Variants in RYR2 observed in about 807,000 individuals in gnomAD.
RYR2 encodes the protein cardiac muscle ryanodine receptor-calcium release channel.
In RYR2, 227 loss-of-function variants were observed where a neutral mutation model predicts 601.1. The observed-to-expected ratio is 0.38, with a 90% confidence interval of 0.34 to 0.42. The LOEUF (loss-of-function observed/expected upper bound fraction) is 0.42, where lower values mean the gene tolerates loss of function less well. RYR2 is among the 10% of genes least tolerant of loss of function. The pLI, the probability that RYR2 is intolerant of heterozygous loss-of-function variation, is 1.00. For synonymous variants in RYR2, 2,223 were observed against 2,175.1 expected, an observed-to-expected ratio of 1.02 and a Z score of -0.61; for missense variants, 4,646 against 6,156.5, an observed-to-expected ratio of 0.75 and a Z score of 8.21.
chr1:237,437,260 G>C (rs964566742), intron 12 of RYR2, among the ~76,000 whole-genome samples: 5 of 151,930 alleles, frequency 3.3e-5, no homozygotes, highest in Non-Finnish European at 7.4e-5. Flanking sequence ...CACCGTGTTA[G>C]CCAGGATGGT....
chr1:237,217,123 G>A (rs943407658), intron 1 of RYR2, among the ~76,000 whole-genome samples: 3 of 152,180 alleles, frequency 2.0e-5, no homozygotes, highest in African/African-American at 7.2e-5. Context: ...CTTTTCTGGG[G>A]AGGCTTTTCT....
intron 2 of RYR2, among the ~76,000 whole-genome samples, chr1:237,271,501 C>T (rs569319395): frequency 6.6e-6 from 1 of 152,140 alleles, no homozygotes; most frequent in Non-Finnish European, 1.5e-5. Flanking sequence ...CTCTATATTT[C>T]AGAAATTAGA....
chr1:237,561,367 A>G (rs1671440216), intron 27 of RYR2, among the ~76,000 whole-genome samples: 1 of 152,226 alleles, frequency 6.6e-6, no homozygotes. Flanking sequence ...CATAAGAAGA[A>G]AGATTAATTT....
chr1:237,432,479 A>C (rs779367394), intron 12 of RYR2, among the ~76,000 whole-genome samples: 9 of 152,124 alleles, frequency 5.9e-5, no homozygotes, highest in Non-Finnish European at 1.2e-4. Flanking sequence ...GAAGTGGTAT[A>C]GGGGGATTTG....
chr1:237,641,618 T>C (rs892162803), intron 47 of RYR2, among the ~76,000 whole-genome samples: 7 of 152,182 alleles, frequency 4.6e-5, no homozygotes, highest in African/African-American at 1.7e-4. Context: ...CTCAGCTCAC[T>C]GCAATCTATG....
At chr1:237,422,874 C>G (rs918023406) in intron 11 of RYR2, among the ~76,000 whole-genome samples, 3 of 152,188 alleles carry the variant, frequency 2.0e-5, no homozygotes, top group Non-Finnish European at 4.4e-5. Context: ...TTACATTTAA[C>G]TTCTTCTTAC....
intron 101 of RYR2, among the ~76,000 whole-genome samples, chr1:237,820,684 C>T (rs913326928): frequency 1.1e-4 from 17 of 152,274 alleles, no homozygotes; most frequent in Non-Finnish European, 1.9e-4. Flanking sequence ...ACCATTCACT[C>T]GCCTGGAAAG....
intron 1 of RYR2, among the ~76,000 whole-genome samples, chr1:237,232,235 G>T (rs986347028): frequency 1.3e-5 from 2 of 152,182 alleles, no homozygotes; most frequent in Admixed American, 6.5e-5. Flanking sequence ...ACCCAGGCAG[G>T]AAAAGAGGGT....
At chr1:237,072,048 G>T (rs1191525009) in intron 1 of RYR2, among the ~76,000 whole-genome samples, 1 of 152,226 alleles carries the variant, frequency 6.6e-6, no homozygotes, top group African/African-American at 2.4e-5. Context: ...GGGGAAGAGG[G>T]TGTCCTGGGC....
chr1:237,703,311 G>A (rs1170897883), intron 66 of RYR2, among the ~76,000 whole-genome samples: 3 of 151,494 alleles, frequency 2.0e-5, no homozygotes, highest in South Asian at 2.1e-4. Context: ...GCTTGTGTAT[G>A]TGATAGTGAA....
chr1:237,440,801 C>T (rs2150144159), intron 12 of RYR2, among the ~76,000 whole-genome samples: 1 of 152,162 alleles, frequency 6.6e-6, no homozygotes, highest in South Asian at 2.1e-4. Context: ...GGACACTATT[C>T]TGAAATCTAC....
rs2149691752 is a variant in RYR2, at chr1:237,355,954, T to G, written c.274-11T>G. ...TTGTTTGTTATTTATTTTGGCTTTT[T>G]CTTTCCACAGCAAGTTGATGTGGAA... On this transcript the variant is annotated splice_polypyrimidine_tract_variant and intron_variant, in intron 3 of 104. Transcript: ENST00000366574. 1 of 1,599,684 alleles carries G rather than the reference T, an allele frequency of 6.3e-7. No homozygotes were observed. Among genetic ancestry groups the G allele is most frequent in the East Asian group, 2.2e-5 (1 of 44,568 alleles).
intron 16 of RYR2, among the ~76,000 whole-genome samples, chr1:237,459,054 C>T (rs188242290): frequency 1.4e-4 from 22 of 152,268 alleles, no homozygotes; most frequent in African/African-American, 3.4e-4. Flanking sequence ...CCCACAGTAA[C>T]GATTGAGATA....
At chr1:237,645,948 C>T (rs1349168978) in intron 48 of RYR2, among the ~76,000 whole-genome samples, 1 of 149,396 alleles carries the variant, frequency 6.7e-6, no homozygotes, top group Non-Finnish European at 1.5e-5. Flanking sequence ...GCAGTCTTGG[C>T]TCACTGCAAG....
At chr1:237,301,864 G>T (rs1693379662) in intron 2 of RYR2, among the ~76,000 whole-genome samples, 1 of 152,136 alleles carries the variant, frequency 6.6e-6, no homozygotes, top group East Asian at 1.9e-4. Flanking sequence ...AGCTAGAGAT[G>T]AAACTGACCC....
At chr1:237,285,714 G>A (rs1691487993) in intron 2 of RYR2, among the ~76,000 whole-genome samples, 1 of 152,078 alleles carries the variant, frequency 6.6e-6, no homozygotes, top group South Asian at 2.1e-4. Context: ...CTTGTTATTG[G>A]TCTGTTCAGG....
intron 19 of RYR2, among the ~76,000 whole-genome samples, chr1:237,493,698 C>T (rs189900638): frequency 1.0e-3 from 152 of 152,286 alleles, no homozygotes; most frequent in South Asian, 3.7e-3. Context: ...GTGATCTGCC[C>T]GCCTTGGCCT....
At chr1:237,296,567 T>C (rs766039208) in intron 2 of RYR2, among the ~76,000 whole-genome samples, 25 of 152,138 alleles carry the variant, frequency 1.6e-4, no homozygotes, top group Admixed American at 6.6e-4. Flanking sequence ...AAGAGTCCTG[T>C]TTTGATTGTG....
chr1:237,573,394 A>C (rs1266214840), intron 29 of RYR2, among the ~76,000 whole-genome samples: 1 of 151,814 alleles, frequency 6.6e-6, no homozygotes, highest in Non-Finnish European at 1.5e-5. Flanking sequence ...ATACAACTGA[A>C]ATGATTTGCT....
Sources: gnomAD v4.1 joint callset for allele counts (sites outside exome capture counted in the v4.1 genomes callset) on GRCh38, gnomAD v4.1.1 for gene constraint, MANE v1.5 for transcripts, NCBI Gene and HGNC (gene_info 2026-07-23, HGNC 2026-07-21) for gene names.